The following KCNN2 variants were observed in gnomAD, a reference collection of about 807,000 sequenced individuals.
KCNN2 encodes the protein potassium calcium-activated channel subfamily N member 2, also known as small conductance calcium-activated potassium channel protein 2.
KCNN2 carries 24 observed loss-of-function variants against 55.5 expected under a neutral mutation model. The ratio of observed to expected loss-of-function variants is 0.43; its 90% CI spans 0.31 to 0.61. KCNN2 has a LOEUF of 0.61. Among genes scored for constraint, KCNN2 ranks in the 20% least tolerant of loss-of-function variants. The pLI is 0.08. For synonymous variants in KCNN2, 431 were observed against 336.1 expected, an observed-to-expected ratio of 1.28 and a Z score of -3.09; for missense variants, 754 against 853.6, an observed-to-expected ratio of 0.88 and a Z score of 1.45.
chr5:114,062,621 T>G (rs951243460), intron 1 of KCNN2, among the ~76,000 whole-genome samples: 1 of 152,220 alleles, frequency 6.6e-6, no homozygotes, highest in Non-Finnish European at 1.5e-5. Flanking sequence ...AAATTTGTCC[T>G]ATATGCAGGG....
At chr5:114,243,336 G>A (rs574617280) in intron 2 of KCNN2, among the ~76,000 whole-genome samples, 15 of 152,104 alleles carry the variant, frequency 9.9e-5, no homozygotes, top group African/African-American at 2.9e-4. Flanking sequence ...TCAGTTACTC[G>A]TGGCCAGCTG....
chr5:114,436,580 T>G (rs1304757450), intron 3 of KCNN2, among the ~76,000 whole-genome samples: 1 of 152,232 alleles, frequency 6.6e-6, no homozygotes, highest in Non-Finnish European at 1.5e-5. Flanking sequence ...CATACATACT[T>G]GGACGGTTGT....
At chr5:114,424,130 T>C (rs987943424) in intron 3 of KCNN2, among the ~76,000 whole-genome samples, 78 of 152,378 alleles carry the variant, frequency 5.1e-4, no homozygotes, top group African/African-American at 1.6e-3. Flanking sequence ...TTTTATTACA[T>C]TGACATTTTT....
At chr5:114,171,768 C>A (rs1399814535) in intron 1 of KCNN2, among the ~76,000 whole-genome samples, 1 of 151,502 alleles carries the variant, frequency 6.6e-6, no homozygotes, top group Non-Finnish European at 1.5e-5. Context: ...CTGAGGGCTA[C>A]TCACTAATGA....
chr5:114,168,631 C>A (rs1160729032), intron 1 of KCNN2, among the ~76,000 whole-genome samples: 19 of 151,960 alleles, frequency 1.3e-4, no homozygotes, highest in Admixed American at 1.1e-3. Flanking sequence ...GGATATTTTA[C>A]TGGCTAAGCT....
chr5:114,161,544 G>T (rs1040026528), intron 1 of KCNN2, among the ~76,000 whole-genome samples: 1 of 151,908 alleles, frequency 6.6e-6, no homozygotes, highest in South Asian at 2.1e-4. Flanking sequence ...TTTGAATGTT[G>T]GCCTGCCTTG....
intron 1 of KCNN2, among the ~76,000 whole-genome samples, chr5:114,110,057 G>C (rs2112581506): frequency 6.6e-6 from 1 of 152,138 alleles, no homozygotes; most frequent in Admixed American, 6.5e-5. Flanking sequence ...CTCCATGTGA[G>C]AGCATAATGT....
chr5:114,493,601 C>T, intron 7 of KCNN2, 129 bp downstream of exon 7: 1 of 669,814 alleles, frequency 1.5e-6, no homozygotes, highest in South Asian at 1.7e-5. Flanking sequence ...GCAAAGCACC[C>T]TAAAATGATG....
At chr5:114,466,166 C>T (rs1354204815) in intron 4 of KCNN2, among the ~76,000 whole-genome samples, 1 of 152,136 alleles carries the variant, frequency 6.6e-6, no homozygotes, top group African/African-American at 2.4e-5. Flanking sequence ...AAGAAAACCA[C>T]TCACTACCCT....
chr5:114,398,153 T>C (rs1758676580), intron 2 of KCNN2, among the ~76,000 whole-genome samples: 1 of 152,196 alleles, frequency 6.6e-6, no homozygotes, highest in African/African-American at 2.4e-5. Flanking sequence ...AGGGTTTTTA[T>C]TGTTTGGGGT....
At chr5:114,449,773 A>G (rs1760572457) in intron 3 of KCNN2, among the ~76,000 whole-genome samples, 1 of 151,998 alleles carries the variant, frequency 6.6e-6, no homozygotes, top group Admixed American at 6.5e-5. Context: ...AAGAGATAAG[A>G]TCTGGTCTTT....
intron 2 of KCNN2, among the ~76,000 whole-genome samples, chr5:114,321,730 C>T (rs925396968): frequency 2.0e-5 from 3 of 151,952 alleles, no homozygotes; most frequent in African/African-American, 7.3e-5. Context: ...AGTGCAATGG[C>T]ATGATCTCAG....
At chr5:114,311,566 C>T (rs1225696450) in intron 2 of KCNN2, among the ~76,000 whole-genome samples, 3 of 152,158 alleles carry the variant, frequency 2.0e-5, no homozygotes, top group Non-Finnish European at 4.4e-5. Context: ...CTCATGTCAT[C>T]TCTTTCTACT....
chr5:114,388,729 ATAGT>A (rs139331354), intron 2 of KCNN2, among the ~76,000 whole-genome samples: 244 of 152,230 alleles, frequency 1.6e-3, no homozygotes, highest in African/African-American at 4.9e-3. Flanking sequence ...CCCCTGAGAA[ATAGT>A]TAGTTCTGTA....
chr5:114,063,812 T>C (rs569739111), intron 1 of KCNN2, among the ~76,000 whole-genome samples: 2 of 152,310 alleles, frequency 1.3e-5, no homozygotes, highest in Non-Finnish European at 2.9e-5. Flanking sequence ...CTAAAAGGCA[T>C]ACTAAGCTAG....
chr5:114,455,359 A>G (rs80076349), intron 3 of KCNN2, among the ~76,000 whole-genome samples: 128 of 152,230 alleles, frequency 8.4e-4, no homozygotes, highest in African/African-American at 2.5e-3. Context: ...TTACAATTCT[A>G]TTTATCTTGG....
At chr5:114,468,961 C>T (rs1315175317) in intron 4 of KCNN2, among the ~76,000 whole-genome samples, 1 of 152,122 alleles carries the variant, frequency 6.6e-6, no homozygotes, top group East Asian at 1.9e-4. Flanking sequence ...TTATGTGATA[C>T]ATGCTTTTGA....
chr5:114,147,231 C>T (rs114975251), intron 1 of KCNN2, among the ~76,000 whole-genome samples: 388 of 152,228 alleles, frequency 2.5e-3, no homozygotes, highest in African/African-American at 9.0e-3. Context: ...GGAAGTGTTT[C>T]GTAGACATTG....
chr5:114,401,411 A>G (rs1758783802), intron 2 of KCNN2, among the ~76,000 whole-genome samples: 1 of 152,178 alleles, frequency 6.6e-6, no homozygotes, highest in Non-Finnish European at 1.5e-5. Context: ...TTCCACAAGC[A>G]CATTTAATTG....
Sources: gnomAD v4.1 joint callset for allele counts (sites outside exome capture counted in the v4.1 genomes callset) on GRCh38, gnomAD v4.1.1 for gene constraint, MANE v1.5 for transcripts, NCBI Gene and HGNC (gene_info 2026-07-23, HGNC 2026-07-21) for gene names.